DPP10: variants seen among roughly 807,000 people sequenced by gnomAD.
DPP10 encodes the protein dipeptidyl peptidase like 10, also known as inactive dipeptidyl peptidase 10.
Under a neutral mutation model 120.9 loss-of-function variants are expected in DPP10, and 33 were observed. The ratio of observed to expected loss-of-function variants is 0.27; its 90% CI spans 0.21 to 0.37. The LOEUF (loss-of-function observed/expected upper bound fraction) is 0.37. Ranked by LOEUF, DPP10 falls within the 10% of genes least tolerant of loss-of-function variation. The probability of loss-of-function intolerance (pLI) is 1.00; values close to 1 mark genes in which losing one functional copy is unlikely to be tolerated. For missense variants in DPP10, 816 were observed against 942.8 expected, an observed-to-expected ratio of 0.87 and a Z score of 1.76; for synonymous variants, 337 against 326.1, an observed-to-expected ratio of 1.03 and a Z score of -0.36.
At chr2:115,832,738 G>A (rs865884189) in intron 21 of DPP10, among the ~76,000 whole-genome samples, 1 of 151,926 alleles carries the variant, frequency 6.6e-6, no homozygotes, top group Non-Finnish European at 1.5e-5. Flanking sequence ...AATCACATGG[G>A]GAGATCCATC....
chr2:115,817,877 A>G (rs905760614), intron 21 of DPP10, among the ~76,000 whole-genome samples: 3 of 152,090 alleles, frequency 2.0e-5, no homozygotes, highest in Non-Finnish European at 2.9e-5. Context: ...AGGTGTCTAG[A>G]GTGGTTGAGT....
At chr2:115,117,501 G>A (rs919544503) in intron 1 of DPP10, among the ~76,000 whole-genome samples, 7 of 152,116 alleles carry the variant, frequency 4.6e-5, no homozygotes, top group African/African-American at 1.4e-4. Context: ...CCAGCCACTC[G>A]AGAGGATGAG....
At chr2:114,798,086 C>A (rs548923765) in intron 1 of DPP10, among the ~76,000 whole-genome samples, 1 of 152,208 alleles carries the variant, frequency 6.6e-6, no homozygotes, top group East Asian at 1.9e-4. Context: ...AAGTATCTAA[C>A]CAGTATTCCT....
chr2:114,670,681 A>G (rs1245696762), intron 1 of DPP10, among the ~76,000 whole-genome samples: 2 of 152,160 alleles, frequency 1.3e-5, no homozygotes, highest in Non-Finnish European at 2.9e-5. Flanking sequence ...AAAGTATAAT[A>G]ATAATAAGAA....
At chr2:115,036,577 G>A (rs865788647) in intron 1 of DPP10, among the ~76,000 whole-genome samples, 14 of 152,170 alleles carry the variant, frequency 9.2e-5, no homozygotes, top group Admixed American at 1.3e-4. Flanking sequence ...AGGATAAGGA[G>A]TGAGATGCTT....
Position 115,807,824 on chromosome 2 carries a change from TTTGG to T in DPP10, c.1701-6968_1701-6965del, listed in dbSNP as rs1403830294. ...AAAACATTAAAACATCAAATATATG[TTTGG>T]GTTTTTTTTAATTCTTTAAAAACAC... On this transcript the variant is annotated intron_variant, in intron 19 of 25. Coordinates refer to ENST00000410059, the MANE Select transcript of DPP10 (RefSeq NM_020868.6). Among the ~76,000 whole-genome samples, 807 of 151,998 alleles carry T rather than the reference TTTGG, an allele frequency of 5.3e-3. 11 individuals carry two copies. Among genetic ancestry groups the T allele is most frequent in the African/African-American group, 0.019 (777 of 41,414 alleles).
intron 1 of DPP10, among the ~76,000 whole-genome samples, chr2:114,733,747 A>G (rs143360859): frequency 3.3e-4 from 51 of 152,310 alleles, no homozygotes; most frequent in African/African-American, 1.2e-3. Context: ...CAGTAAGGCT[A>G]GCTTTTGCTG....
chr2:114,569,079 T>A (rs1689425473), intron 1 of DPP10, among the ~76,000 whole-genome samples: 1 of 152,190 alleles, frequency 6.6e-6, no homozygotes, highest in Non-Finnish European at 1.5e-5. Context: ...ATGTTAATAG[T>A]CTTGGGTATG....
intron 1 of DPP10, among the ~76,000 whole-genome samples, chr2:114,565,089 C>A (rs539145370): frequency 6.6e-6 from 1 of 152,232 alleles, no homozygotes; most frequent in Admixed American, 6.5e-5. Context: ...CTCAGTGGGG[C>A]CTCGTGATGG....
intron 1 of DPP10, among the ~76,000 whole-genome samples, chr2:114,948,457 T>TG (rs1371109520): frequency 6.6e-6 from 1 of 152,224 alleles, no homozygotes; most frequent in Non-Finnish European, 1.5e-5. Flanking sequence ...TGTTGTCCTA[T>TG]GGTTCATTGT....
At position 114,600,450 on chromosome 2, in the gene DPP10, A is replaced by G. The variant is rs116591040; in HGVS notation, c.60+157612A>G. ...CATTATAATATCCATCCTTTCCAAA[A>G]TCATTGAACATATTTATAACAGCTG... is the stretch of plus-strand genomic sequence containing the variant. On this transcript the variant is annotated intron_variant, in intron 1 of 25. Coordinates refer to ENST00000410059, the MANE Select transcript of DPP10 (RefSeq NM_020868.6). Among the ~76,000 whole-genome samples the G allele has an allele frequency of 3.9e-3, 591 of 151,940 alleles. 3 individuals carry two copies. The highest frequency in any genetic ancestry group is 0.014 in the African/African-American group (567 of 41,532).
intron 3 of DPP10, among the ~76,000 whole-genome samples, chr2:115,381,293 T>G (rs2066326727): frequency 1.3e-5 from 2 of 152,176 alleles, no homozygotes; most frequent in African/African-American, 4.8e-5. Flanking sequence ...CTCACTTCAT[T>G]TCATTCATTT....
intron 3 of DPP10, among the ~76,000 whole-genome samples, chr2:115,438,699 T>C (rs539147797): frequency 5.4e-4 from 83 of 152,308 alleles, no homozygotes; most frequent in African/African-American, 2.0e-3. Context: ...AGTCAATTCA[T>C]GGAAGCACAA....
At chr2:114,638,848 G>A (rs759235698) in intron 1 of DPP10, among the ~76,000 whole-genome samples, 7 of 151,960 alleles carry the variant, frequency 4.6e-5, no homozygotes, top group African/African-American at 1.5e-4. Flanking sequence ...TTTGTTCATC[G>A]TAGCACTATT....
At chr2:114,838,171 C>T (rs1296585197) in intron 1 of DPP10, among the ~76,000 whole-genome samples, 3 of 152,116 alleles carry the variant, frequency 2.0e-5, no homozygotes, top group Non-Finnish European at 4.4e-5. Context: ...ATCCATTGCC[C>T]TCAATCCAGT....
rs1334898092 is a variant in DPP10 at position 115,281,335 on chromosome 2, A to G, written c.61-27904A>G. 2.0e-5 allele frequency among the ~76,000 whole-genome samples: 3 copies of G among 152,164 alleles called. 1 individual carries two copies. Among genetic ancestry groups the G allele is most frequent in the East Asian group, 3.9e-4 (2 of 5,192 alleles). On this transcript the variant is annotated intron_variant, in intron 1 of 25. Transcript: ENST00000410059. ...TTCTCCCTGTGCACCCACTATTTCT[A>G]CTAGCTAGAAGTAAGGCAGAATTCC...
At chr2:115,104,862 C>T (rs919592042) in intron 1 of DPP10, among the ~76,000 whole-genome samples, 2 of 152,030 alleles carry the variant, frequency 1.3e-5, no homozygotes, top group Admixed American at 6.6e-5. Flanking sequence ...AAAAATTAGC[C>T]GGGCGTGGAG....
At chr2:114,534,598 ACAGT>A (rs1404161145) in intron 1 of DPP10, among the ~76,000 whole-genome samples, 4 of 152,164 alleles carry the variant, frequency 2.6e-5, no homozygotes, top group South Asian at 2.1e-4. Context: ...TGGAGATTAA[ACAGT>A]CAGCATTATT....
chr2:114,957,945 G>C (rs1339865740), intron 1 of DPP10, among the ~76,000 whole-genome samples: 1 of 152,134 alleles, frequency 6.6e-6, no homozygotes, highest in Non-Finnish European at 1.5e-5. Context: ...CCAAAGACCG[G>C]AGAAGGATTG....
Sources: allele counts gnomAD v4.1 joint callset (sites outside exome capture counted in the v4.1 genomes callset), GRCh38; gene constraint gnomAD v4.1.1; transcripts MANE v1.5; gene names NCBI Gene and HGNC (gene_info 2026-07-23, HGNC 2026-07-21).